ISM1: variants seen among roughly 807,000 people sequenced by gnomAD.
The protein encoded by ISM1 is isthmin 1.
In ISM1, 25 loss-of-function variants were observed where a neutral mutation model predicts 46.3. The ratio of observed to expected loss-of-function variants is 0.54; its 90% CI spans 0.39 to 0.75. ISM1 has a LOEUF of 0.75. ISM1 is among the 30% of genes least tolerant of loss of function. The probability of loss-of-function intolerance (pLI) is 0.00; values close to 1 mark genes in which losing one functional copy is unlikely to be tolerated. For synonymous variants in ISM1, 255 were observed against 256.7 expected (o/e 0.99, Z 0.06); for missense variants, 536 against 625.4 (o/e 0.86, Z 1.52).
downstream of ISM1, among the ~76,000 whole-genome samples, chr20:13,301,935 T>C (rs1292638127): frequency 1.3e-5 from 2 of 152,152 alleles, no homozygotes; most frequent in Non-Finnish European, 2.9e-5. Flanking sequence ...TTGGTTCTAA[T>C]GAAGGAGTGG....
At chr20:13,233,587 C>T (rs976584269) in intron 1 of ISM1, among the ~76,000 whole-genome samples, 4 of 143,598 alleles carry the variant, frequency 2.8e-5, no homozygotes. Context: ...AAGAGCGAAA[C>T]TCCATCTCAA....
intron 1 of ISM1, among the ~76,000 whole-genome samples, chr20:13,252,808 T>TG (rs1386890239): frequency 1.3e-5 from 2 of 152,134 alleles, no homozygotes; most frequent in East Asian, 3.9e-4. Context: ...ACTTGGCCTT[T>TG]GGGGCAACTG....
the ISM1 span, among the ~76,000 whole-genome samples, chr20:13,312,453 C>T: frequency 2.6e-5 from 4 of 152,330 alleles, no homozygotes; most frequent in East Asian, 1.9e-4. Context: ...TCCTGCACAA[C>T]GCCCTGCAAC....
intron 1 of ISM1, among the ~76,000 whole-genome samples, chr20:13,230,199 A>G (rs932525662): frequency 8.5e-5 from 13 of 152,190 alleles, no homozygotes; most frequent in Non-Finnish European, 1.8e-4. Context: ...TATGTCATAC[A>G]AGTGTTTTTT....
chr20:13,221,854 C>A lies in ISM1; in HGVS notation c.78C>A (p.Gly26=). ...CGCTGCACATCACCGTGCTGCGCGG[C>A]TCGGGAGCCGCCGACGGGCCCGACG... ...LLTLHITVLR[G]SGAADGPDAA... is the part of the protein sequence containing the mutation. Residue 26 remains glycine (G), a synonymous_variant, in exon 1 of 6, where the codon GGC becomes GGA. Coordinates refer to ENST00000262487, the MANE Select transcript of ISM1 (RefSeq NM_080826.2). The A allele has an allele frequency of 7.0e-7, 1 of 1,434,614 alleles. No homozygotes were observed. The highest frequency in any genetic ancestry group is 1.4e-5 in the South Asian group (1 of 71,046). 88.9% of individuals were successfully genotyped at this position (1,434,614 alleles called of 1,614,324 possible).
chr20:13,256,810 T>C lies in ISM1; in HGVS notation c.139-13694T>C, dbSNP rs117009466. Reference sequence around the variant, plus strand: ...CTCATCTGTACAATGGGGGTGATGATAATTATATCCACCCAGTGGGAAGCT... The same window carrying C: ...CTCATCTGTACAATGGGGGTGATGACAATTATATCCACCCAGTGGGAAGCT... On this transcript the variant is annotated intron_variant, in intron 1 of 5. Coordinates refer to ENST00000262487, the MANE Select transcript of ISM1 (RefSeq NM_080826.2). 3.9e-3 allele frequency among the ~76,000 whole-genome samples: 590 copies of C among 152,280 alleles called. 5 individuals carry two copies. Among genetic ancestry groups the C allele is most frequent in the Middle Eastern group, 0.017 (5 of 294 alleles).
chr20:13,316,810 C>T, the ISM1 span, among the ~76,000 whole-genome samples: 1 of 151,276 alleles, frequency 6.6e-6, no homozygotes. Context: ...AGAAAACCTA[C>T]AAAACACCCG....
rs1390950249 is a variant in ISM1, at chr20:13,288,632, T to G, written c.736T>G (p.Tyr246Asp). 1 of 1,613,890 alleles carries G rather than the reference T, an allele frequency of 6.2e-7. No individual in the cohort carries two copies. The highest frequency in any genetic ancestry group is 8.5e-7 in the Non-Finnish European group (1 of 1,179,900). ...CCAGAAACGGACCCGGTCTTGTGGCTACGCGTGCACTGCAACAGAATCGAG... is the reference window on the plus strand; with the variant it reads ...CCAGAAACGGACCCGGTCTTGTGGCGACGCGTGCACTGCAACAGAATCGAG... ...GNQKRTRSCG[Y>D]ACTATESRTC... The change falls in exon 4 of 6, where the codon TAC becomes GAC. Residue 246 changes from tyrosine to aspartate, a missense_variant. This residue lies in a region of ISM1 where 367 missense variants were observed against 376.1 expected (regional missense o/e 0.98). Coordinates refer to ENST00000262487, the MANE Select transcript of ISM1 (RefSeq NM_080826.2).
intron 1 of ISM1, among the ~76,000 whole-genome samples, chr20:13,257,340 A>C (rs144984110): frequency 0.01 from 1,529 of 152,056 alleles, 27 homozygotes; most frequent in African/African-American, 0.035. Context: ...CATGGTGAAA[A>C]CCTGTCTCTA....
the ISM1 span, among the ~76,000 whole-genome samples, chr20:13,322,728 G>A: frequency 6.6e-6 from 1 of 152,158 alleles, no homozygotes. Flanking sequence ...TAAAGGATGG[G>A]GGTGGAATAT....
the ISM1 span, among the ~76,000 whole-genome samples, chr20:13,318,947 T>A: frequency 6.6e-6 from 1 of 152,168 alleles, no homozygotes. Context: ...CTATAATGGT[T>A]AATACAGGTC....
At chr20:13,230,554 A>G (rs2039576813) in intron 1 of ISM1, among the ~76,000 whole-genome samples, 2 of 152,100 alleles carry the variant, frequency 1.3e-5, no homozygotes, top group African/African-American at 4.8e-5. Flanking sequence ...TTTACCCTTT[A>G]CAAATTTTAT....
chr20:13,239,829 A>G (rs1403513424), intron 1 of ISM1, among the ~76,000 whole-genome samples: 1 of 152,230 alleles, frequency 6.6e-6, no homozygotes, highest in East Asian at 1.9e-4. Context: ...CATACCATTC[A>G]TTTATCCTAC....
chr20:13,270,650 G>A lies in ISM1; in HGVS notation c.285G>A (p.Leu95=). The A allele has an allele frequency of 6.2e-7, 1 of 1,613,942 alleles. No individual in the cohort carries two copies. The highest frequency in any genetic ancestry group is 8.5e-7 in the Non-Finnish European group (1 of 1,179,872). Residue 95 remains leucine, a synonymous_variant, in exon 2 of 6, where the codon TTG becomes TTA. Coordinates refer to ENST00000262487, the MANE Select transcript of ISM1 (RefSeq NM_080826.2). ...GACAAGAGACGGGGCACCCTTCATT[G>A]CAAAGAGATTTCCCCAGATCCTTTC... ...RFRQETGHPS[L]QRDFPRSFLL...
At chr20:13,298,872 T>C in intron 5 of ISM1, 70 bp from the exon 6 acceptor site, 2 of 1,513,494 alleles carry the variant, frequency 1.3e-6, no homozygotes, top group Non-Finnish European at 1.8e-6. Flanking sequence ...TGGTGTCACA[T>C]GCTCCTTGAA....
downstream of ISM1, among the ~76,000 whole-genome samples, chr20:13,301,891 G>A (rs955879280): frequency 2.0e-5 from 3 of 152,180 alleles, no homozygotes; most frequent in African/African-American, 7.2e-5. Context: ...AAAGTACTAT[G>A]AAGAAATAGA....
At chr20:13,252,667 A>C (rs2039880584) in intron 1 of ISM1, among the ~76,000 whole-genome samples, 2 of 152,140 alleles carry the variant, frequency 1.3e-5, no homozygotes, top group African/African-American at 4.8e-5. Flanking sequence ...AGGCAGGAGA[A>C]TCGCTTGAAC....
chr20:13,282,716 G>C (rs911868584), intron 3 of ISM1, among the ~76,000 whole-genome samples: 3 of 152,170 alleles, frequency 2.0e-5, no homozygotes, highest in African/African-American at 7.2e-5. Context: ...AAATAAAGTC[G>C]TGTTCTGTGC....
rs994620827 is a variant in ISM1, at chr20:13,221,661, G to T, written c.-116G>T. 6.7e-6 allele frequency: 6 copies of T among 897,206 alleles called. No individual in the cohort carries two copies. The African/African-American group carries it at 1.1e-4, about 16-fold the overall frequency. The allele number at this position is 897,206 out of a possible 1,614,324, so 55.6% of individuals were successfully genotyped here. On this transcript the variant is annotated 5_prime_UTR_variant, in exon 1 of 6. Coordinates refer to ENST00000262487, the MANE Select transcript of ISM1 (RefSeq NM_080826.2). ...GGCCCGGGAAGCGGAGCCCTGGCGG[G>T]AGCCGAGGCGGGAGCCGCGCTGCCG...
Sources: allele counts gnomAD v4.1 joint callset (sites outside exome capture counted in the v4.1 genomes callset), GRCh38; gene constraint gnomAD v4.1.1; regional missense constraint gnomAD v4.1.1; transcripts MANE v1.5; gene names NCBI Gene and HGNC (gene_info 2026-07-23, HGNC 2026-07-21).